The following WDR19 variants were observed in gnomAD, a reference collection of about 807,000 sequenced individuals.
WDR19 encodes the protein WD repeat domain 19.
In WDR19, 121 loss-of-function variants were observed where a neutral mutation model predicts 180.0. That is an observed-to-expected ratio of 0.67 (90% CI 0.58 to 0.78). The LOEUF is 0.78. Ranked by LOEUF, WDR19 falls within the 30% of genes least tolerant of loss-of-function variation. The pLI is 0.00. For synonymous variants in WDR19, 497 were observed against 540.7 expected (o/e 0.92, Z 1.12); for missense variants, 1,450 against 1,640.7 (o/e 0.88, Z 2.01).
chr4:39,248,194 T>C (rs1256752736), intron 24 of WDR19, among the ~76,000 whole-genome samples: 1 of 152,216 alleles, frequency 6.6e-6, no homozygotes, highest in East Asian at 1.9e-4. Flanking sequence ...TGGGGGCCAA[T>C]ATTCAACATT....
rs566834031 is a variant in WDR19, at chr4:39,210,699, C to T, written c.891-3902C>T. 3.9e-5 allele frequency among the ~76,000 whole-genome samples: 6 copies of T among 152,118 alleles called. No individual in the cohort carries two copies. The East Asian group carries it at 1.2e-3, about 29-fold the overall frequency. On this transcript the variant is annotated intron_variant, in intron 9 of 36. Coordinates refer to ENST00000399820, the MANE Select transcript of WDR19 (RefSeq NM_025132.4). ...AAAAAGAAAACAAAAAAAATGTAAT[C>T]ATTCTATCAGAAGCTAAAAAAGACA...
At chr4:39,246,560 C>T (rs1458788873) in intron 24 of WDR19, among the ~76,000 whole-genome samples, 2 of 152,178 alleles carry the variant, frequency 1.3e-5, no homozygotes, top group African/African-American at 4.8e-5. Flanking sequence ...CAAGGCATCG[C>T]CTCACCCGGG....
At chr4:39,196,385 C>A (rs1173931142) in intron 5 of WDR19, among the ~76,000 whole-genome samples, 1 of 152,202 alleles carries the variant, frequency 6.6e-6, no homozygotes, top group African/African-American at 2.4e-5. Flanking sequence ...CCAAAACCTT[C>A]TTGACTCACA....
chr4:39,271,144 G>C (rs1379912718), intron 31 of WDR19, among the ~76,000 whole-genome samples: 1 of 152,094 alleles, frequency 6.6e-6, no homozygotes, highest in African/African-American at 2.4e-5. Context: ...CAATCCACCT[G>C]CCTCGGCCTC....
intron 6 of WDR19, 94 bp downstream of exon 6, chr4:39,199,687 A>G (rs902716285): frequency 2.0e-6 from 2 of 998,970 alleles, no homozygotes; most frequent in Non-Finnish European, 1.5e-6. Flanking sequence ...ATTTTTAAAA[A>G]TCTATATGTG....
chr4:39,203,819 A>G, intron 7 of WDR19, 97 bp downstream of exon 7: 1 of 1,158,800 alleles, frequency 8.6e-7, no homozygotes, highest in African/African-American at 1.5e-5. Context: ...TGATAAATAA[A>G]TTAGGTCCAT....
chr4:39,216,794 A>T (rs1729116430), intron 12 of WDR19, among the ~76,000 whole-genome samples: 1 of 152,208 alleles, frequency 6.6e-6, no homozygotes, highest in Non-Finnish European at 1.5e-5. Flanking sequence ...CCTCAGGAAT[A>T]GAACAAACCT....
intron 36 of WDR19, among the ~76,000 whole-genome samples, chr4:39,280,658 C>G (rs1391261821): frequency 6.6e-6 from 1 of 151,768 alleles, no homozygotes; most frequent in Non-Finnish European, 1.5e-5. Context: ...ACCAACCAAC[C>G]AATCAACCAT....
chr4:39,212,332 A>G (rs1025814142), intron 9 of WDR19, among the ~76,000 whole-genome samples: 1 of 152,240 alleles, frequency 6.6e-6, no homozygotes, highest in African/African-American at 2.4e-5. Context: ...AAATTCACTC[A>G]TGGACTTAAA....
chr4:39,216,066 G>A (rs200394829), intron 11 of WDR19, 30 bp from the exon 12 acceptor site: 177 of 1,540,840 alleles, frequency 1.1e-4, no homozygotes, highest in Middle Eastern at 3.4e-4. Context: ...AAGTTTAGCC[G>A]TTGATTTATT....
chr4:39,245,921 A>G (rs904727065), intron 24 of WDR19, among the ~76,000 whole-genome samples: 3 of 152,176 alleles, frequency 2.0e-5, no homozygotes, highest in African/African-American at 7.2e-5. Context: ...GTATAACTCT[A>G]TTGTAATACA....
chr4:39,224,860 G>A, intron 14 of WDR19, 24 bp from the exon 15 acceptor site: 1 of 1,460,874 alleles, frequency 6.8e-7, no homozygotes. Context: ...ATATTTTCAT[G>A]GCTGGATTTT....
rs1252890608 is a variant in WDR19 at position 39,232,095 on chromosome 4, T to A, written c.2143-67T>A. ...CGTTACCACTTCCTACTGATCAAAG[T>A]CCTTAAAAAAAAAAAAAAGTTAAAC... On this transcript the variant is annotated intron_variant, in intron 18 of 36. Coordinates refer to ENST00000399820, the MANE Select transcript of WDR19 (RefSeq NM_025132.4). 5 of 1,510,714 alleles carry A rather than the reference T, an allele frequency of 3.3e-6. No individual in the cohort carries two copies. The African/African-American group carries it at 7.0e-5, about 21-fold the overall frequency. The allele number at this position is 1,510,714 out of a possible 1,614,324, so 93.6% of individuals were successfully genotyped here.
rs140680507 is a variant in WDR19 at position 39,242,706 on chromosome 4, C to T, written c.2422-1542C>T. On this transcript the variant is annotated intron_variant, in intron 21 of 36. Coordinates refer to ENST00000399820, the MANE Select transcript of WDR19 (RefSeq NM_025132.4). ...TTTTGGAGATAGTCTTTCACTGTGTCGCCCAGGCTGGAGTGCAGTGGTGCG... is the reference window on the plus strand; with the variant it reads ...TTTTGGAGATAGTCTTTCACTGTGTTGCCCAGGCTGGAGTGCAGTGGTGCG... 4.5e-4 allele frequency among the ~76,000 whole-genome samples: 68 copies of T among 151,948 alleles called. 1 individual carries two copies. The East Asian group carries it at 8.8e-3, about 20-fold the overall frequency.
chr4:39,245,898 C>T (rs1732469765), intron 24 of WDR19, among the ~76,000 whole-genome samples: 1 of 151,990 alleles, frequency 6.6e-6, no homozygotes, highest in African/African-American at 2.4e-5. Context: ...ATATTTTAAC[C>T]GTATTTAAAA....
chr4:39,285,744 T>TAATAGTAACCTATGACTA lies in WDR19; in HGVS notation c.*271_*272insAATAGTAACCTATGACTA, dbSNP rs1737140154. 1 of 152,236 alleles carries TAATAGTAACCTATGACTA rather than the reference T, an allele frequency of 6.6e-6. No individual in the cohort carries two copies. The highest frequency in any genetic ancestry group is 1.5e-5 in the Non-Finnish European group (1 of 68,042). 9.4% of individuals were successfully genotyped at this position (152,236 alleles called of 1,614,324 possible). A position where few individuals can be genotyped will look rare whatever the true frequency, so the allele number is the denominator to read the frequency against. Reference sequence around the variant, plus strand: ...TGTTAATAGTAACCTATGACATAATTGTAAATATTCAGCTTTTTGCTAACT... The same window carrying TAATAGTAACCTATGACTA: ...TGTTAATAGTAACCTATGACATAATTAATAGTAACCTATGACTAGTAAATATTCAGCTTTTTGCTAACT... On this transcript the variant is annotated 3_prime_UTR_variant, in exon 37 of 37. Coordinates refer to ENST00000399820, the MANE Select transcript of WDR19 (RefSeq NM_025132.4).
chr4:39,217,985 A>G lies in WDR19; in HGVS notation c.1359A>G (p.Ile453Met), dbSNP rs1729249954. ...LFEGKVQLHLIESEILDAQEE... is the reference protein window; with the variant it reads ...LFEGKVQLHLMESEILDAQEE... ...CATTATTATTCTTTACGTTTTAGAT[A>G]GAAAGCGAAATCTTGGATGCTCAAG... Residue 453 changes from isoleucine to methionine, a missense_variant and splice_region_variant, in exon 14 of 37, where the codon ATA becomes ATG. Ile to Met is a conservative substitution (Grantham distance 10). Coordinates refer to ENST00000399820, the MANE Select transcript of WDR19 (RefSeq NM_025132.4). 1.2e-6 allele frequency: 2 copies of G among 1,613,580 alleles called. No individual in the cohort carries two copies. Among genetic ancestry groups the G allele is most frequent in the Middle Eastern group, 1.6e-4 (1 of 6,082 alleles).
Position 39,232,194 on chromosome 4 carries a change from C to T in WDR19, c.2175C>T (p.His725=). 6.2e-7 allele frequency: 1 copy of T among 1,613,644 alleles called. No individual in the cohort carries two copies. Among genetic ancestry groups the T allele is most frequent in the South Asian group, 1.1e-5 (1 of 91,072 alleles). ...AGGACTACAATCTTTTGGCAGGACA[C>T]CTTGCCATGTTTACCAACGATTATA... The part of the protein sequence containing the change: ...GIEDYNLLAG[H]LAMFTNDYNL... The change falls in exon 19 of 37, where the codon CAC becomes CAT. Residue 725 remains histidine (H), a synonymous_variant. Coordinates refer to ENST00000399820, the MANE Select transcript of WDR19 (RefSeq NM_025132.4).
chr4:39,272,563 A>G (rs916824236), intron 31 of WDR19, among the ~76,000 whole-genome samples: 10 of 152,208 alleles, frequency 6.6e-5, no homozygotes, highest in African/African-American at 2.2e-4. Context: ...GCCCAGTCTC[A>G]GGCCTTCTGC....
Sources: gnomAD v4.1 joint callset for allele counts (sites outside exome capture counted in the v4.1 genomes callset) on GRCh38, gnomAD v4.1.1 for gene constraint, MANE v1.5 for transcripts, NCBI Gene and HGNC (gene_info 2026-07-23, HGNC 2026-07-21) for gene names.